The following NRCAM variants were observed in gnomAD, a reference collection of about 807,000 sequenced individuals.
The protein encoded by NRCAM is neuronal cell adhesion molecule, also known as NgCAM-related cell adhesion molecule.
In NRCAM, 83 loss-of-function variants were observed where a neutral mutation model predicts 156.5. That is an observed-to-expected ratio of 0.53 (90% CI 0.44 to 0.64). The LOEUF is 0.64. Among genes scored for constraint, NRCAM ranks in the 30% least tolerant of loss-of-function variants. The pLI is 0.00. For synonymous variants in NRCAM, 538 were observed against 563.9 expected, an observed-to-expected ratio of 0.95 and a Z score of 0.65; for missense variants, 1,417 against 1,597.3, an observed-to-expected ratio of 0.89 and a Z score of 1.92.
At chr7:108,291,236 C>T (rs2154120271) in intron 3 of NRCAM, among the ~76,000 whole-genome samples, 1 of 152,302 alleles carries the variant, frequency 6.6e-6, no homozygotes, top group African/African-American at 2.4e-5. Context: ...ATTTTATTAT[C>T]TCCTGCATTT....
intron 13 of NRCAM, among the ~76,000 whole-genome samples, chr7:108,198,944 A>G (rs939794124): frequency 6.6e-6 from 1 of 152,188 alleles, no homozygotes; most frequent in Admixed American, 6.5e-5. Context: ...ATGCCCAGCA[A>G]TTTGGAACTT....
chr7:108,369,475 TTC>T (rs1301382600), intron 2 of NRCAM, among the ~76,000 whole-genome samples: 2 of 152,204 alleles, frequency 1.3e-5, no homozygotes, highest in African/African-American at 2.4e-5. Context: ...TTTAATTAAA[TTC>T]TGTTTCTAAA....
intron 2 of NRCAM, among the ~76,000 whole-genome samples, chr7:108,337,372 G>A (rs573302590): frequency 2.6e-4 from 40 of 152,124 alleles, no homozygotes; most frequent in African/African-American, 9.4e-4. Context: ...TCTGGTCCAT[G>A]TTTGTTACGG....
intron 2 of NRCAM, among the ~76,000 whole-genome samples, chr7:108,382,938 T>C (rs1015277173): frequency 5.3e-5 from 8 of 152,178 alleles, no homozygotes; most frequent in South Asian, 4.1e-4. Context: ...AGTTTGTGAA[T>C]TGGAGGAAAT....
At chr7:108,383,227 T>C (rs1026698842) in intron 2 of NRCAM, among the ~76,000 whole-genome samples, 1 of 152,068 alleles carries the variant, frequency 6.6e-6, no homozygotes, top group Admixed American at 6.6e-5. Context: ...AAAATCAAGA[T>C]TAAGAATCCA....
intron 1 of NRCAM, among the ~76,000 whole-genome samples, chr7:108,416,639 T>A (rs1336414841): frequency 6.6e-6 from 1 of 152,072 alleles, no homozygotes; most frequent in Admixed American, 6.5e-5. Flanking sequence ...AAGGAAAAAC[T>A]TGGGTTTTTA....
chr7:108,237,048 A>G (rs1319629913), intron 5 of NRCAM, among the ~76,000 whole-genome samples: 6 of 152,186 alleles, frequency 3.9e-5, no homozygotes, highest in Non-Finnish European at 4.4e-5. Context: ...AATGCTTTTC[A>G]GTAGTAAGAA....
chr7:108,322,606 C>G (rs1048931816), intron 2 of NRCAM, among the ~76,000 whole-genome samples: 11 of 151,986 alleles, frequency 7.2e-5, no homozygotes, highest in South Asian at 2.1e-4. Flanking sequence ...TGGGAGGACT[C>G]CCAATCACAC....
intron 2 of NRCAM, among the ~76,000 whole-genome samples, chr7:108,381,297 A>G (rs1373488136): frequency 6.6e-6 from 1 of 152,132 alleles, no homozygotes; most frequent in Non-Finnish European, 1.5e-5. Flanking sequence ...AACTCAAGGG[A>G]AGAAAATAAT....
chr7:108,414,230 T>C (rs1252242530), intron 1 of NRCAM, among the ~76,000 whole-genome samples: 1 of 152,188 alleles, frequency 6.6e-6, no homozygotes, highest in Non-Finnish European at 1.5e-5. Context: ...TGTTGCAAAG[T>C]ACAGTGTGAT....
intron 1 of NRCAM, among the ~76,000 whole-genome samples, chr7:108,415,399 G>A (rs893193887): frequency 1.3e-5 from 2 of 152,100 alleles, no homozygotes; most frequent in East Asian, 1.9e-4. Context: ...TTTTTGTGTC[G>A]TCTTTCTCAA....
At chr7:108,277,721 T>A (rs1431501897) in intron 3 of NRCAM, among the ~76,000 whole-genome samples, 2 of 152,150 alleles carry the variant, frequency 1.3e-5, no homozygotes, top group Non-Finnish European at 2.9e-5. Context: ...CTACCAACCT[T>A]CTGAAGCCTA....
At chr7:108,262,580 T>C (rs563010761) in intron 3 of NRCAM, among the ~76,000 whole-genome samples, 1 of 152,134 alleles carries the variant, frequency 6.6e-6, no homozygotes, top group African/African-American at 2.4e-5. Flanking sequence ...AGCAGACAAA[T>C]CCTTATAAGT....
chr7:108,189,680 C>T lies in NRCAM; in HGVS notation c.2000G>A (p.Trp667Ter). ...GCTATTGTTGTCATCGCCTGGGGTC[C>T]ATGACAGCTGAACACTTTTGTCAAG... ...DQLDKSVQLSWTPGDDNNSPI... is the reference protein window; with the variant it reads ...DQLDKSVQLS The change falls in exon 20 of 33, where the codon TGG becomes TAG. Residue 667 changes from tryptophan to a stop codon, truncating the protein, a stop_gained. Transcript: ENST00000379028. LOFTEE classifies it high-confidence loss of function. The T allele has an allele frequency of 6.5e-7, 1 of 1,540,904 alleles. No homozygotes were observed. Among genetic ancestry groups the T allele is most frequent in the Non-Finnish European group, 9.0e-7 (1 of 1,115,790 alleles).
intron 2 of NRCAM, among the ~76,000 whole-genome samples, chr7:108,379,006 G>A (rs2099689382): frequency 6.6e-6 from 1 of 152,086 alleles, no homozygotes; most frequent in African/African-American, 2.4e-5. Context: ...AGGCTAATGT[G>A]TTTCCAGACT....
chr7:108,223,987 C>T (rs2092926233), intron 10 of NRCAM, 151 bp from the exon 11 acceptor site: 7 of 553,284 alleles, frequency 1.3e-5, no homozygotes, highest in Non-Finnish European at 2.2e-5. Flanking sequence ...CACATACACA[C>T]TCTCTGCGTT....
intron 2 of NRCAM, among the ~76,000 whole-genome samples, chr7:108,328,873 T>A (rs1418615679): frequency 6.6e-6 from 1 of 152,198 alleles, no homozygotes; most frequent in Non-Finnish European, 1.5e-5. Flanking sequence ...CATTTTAGAA[T>A]GGCCATCTGG....
Position 108,231,145 on chromosome 7 carries a change from A to G in NRCAM, c.436T>C (p.Leu146=), listed in dbSNP as rs1182177078. The change falls in exon 8 of 33, where the codon TTG becomes CTG. Residue 146 remains leucine, a synonymous_variant. Transcript: ENST00000379028. ...GGTTCAAGTTTTTCTTTGGTCCACA[A>G]TGGTGATCCTATTAAATAAAAAAAT... ...NIVVRPSRSP[L]WTKEKLEPIT... 3.2e-6 allele frequency: 5 copies of G among 1,583,888 alleles called. No homozygotes were observed. Among genetic ancestry groups the G allele is most frequent in the Middle Eastern group, 1.7e-4 (1 of 5,980 alleles).
rs183348776 is a variant in NRCAM, at chr7:108,224,547, T to C, written c.779-711A>G. Reference sequence around the variant, plus strand: ...TTTTTATGGAGGCCTTTCCAAAACATAGCCTTATCTTCTGAAGGTTTCTTA... The same window carrying C: ...TTTTTATGGAGGCCTTTCCAAAACACAGCCTTATCTTCTGAAGGTTTCTTA... On this transcript the variant is annotated intron_variant, in intron 10 of 32. Coordinates refer to ENST00000379028, the MANE Select transcript of NRCAM (RefSeq NM_001037132.4). Among the ~76,000 whole-genome samples the C allele has an allele frequency of 2.6e-3, 393 of 152,260 alleles. 4 individuals carry two copies. The highest frequency in any genetic ancestry group is 9.1e-3 in the African/African-American group (377 of 41,578).
Sources: gnomAD v4.1 joint callset for allele counts (sites outside exome capture counted in the v4.1 genomes callset) on GRCh38, gnomAD v4.1.1 for gene constraint, MANE v1.5 for transcripts, NCBI Gene and HGNC (gene_info 2026-07-23, HGNC 2026-07-21) for gene names.